The following APBB1IP variants were observed in gnomAD, a reference collection of about 807,000 sequenced individuals.
APBB1IP encodes amyloid beta A4 precursor protein-binding family B member 1-interacting protein.
APBB1IP carries 27 observed loss-of-function variants against 64.9 expected under a neutral mutation model. That is an observed-to-expected ratio of 0.42 (90% confidence interval 0.31 to 0.57). The LOEUF is 0.57. Ranked by LOEUF, APBB1IP falls within the 20% of genes least tolerant of loss-of-function variation. The probability of loss-of-function intolerance (pLI) is 0.20; values close to 1 mark genes in which losing one functional copy is unlikely to be tolerated. For synonymous variants in APBB1IP, 392 were observed against 331.0 expected (o/e 1.18, Z -2.00); for missense variants, 812 against 845.5 (o/e 0.96, Z 0.49).
chr10:26,486,125 G>T (rs559401049), intron 2 of APBB1IP, among the ~76,000 whole-genome samples: 1 of 152,016 alleles, frequency 6.6e-6, no homozygotes, highest in Admixed American at 6.6e-5. Flanking sequence ...AAAAGGCCCC[G>T]AATGGGACAA....
intron 2 of APBB1IP, among the ~76,000 whole-genome samples, chr10:26,450,942 C>T (rs10829003): frequency 0.4 from 60,700 of 151,884 alleles, 12,267 homozygotes; most frequent in South Asian, 0.5. Context: ...GAGATCCACC[C>T]GCCTCGTCCT....
chr10:26,481,705 T>C (rs1835835718), intron 2 of APBB1IP, among the ~76,000 whole-genome samples: 1 of 151,866 alleles, frequency 6.6e-6, no homozygotes, highest in Non-Finnish European at 1.5e-5. Context: ...CCAGGCTGGT[T>C]TTGAACTCCT....
intron 2 of APBB1IP, among the ~76,000 whole-genome samples, chr10:26,483,565 G>A (rs974755865): frequency 2.6e-5 from 4 of 152,172 alleles, no homozygotes; most frequent in African/African-American, 9.7e-5. Context: ...AAGCAATTGA[G>A]TGAGGAGTTT....
At chr10:26,536,593 C>CTTTTTTTTTTTT (rs58921295) in intron 10 of APBB1IP, among the ~76,000 whole-genome samples, 1 of 143,412 alleles carries the variant, frequency 7.0e-6, no homozygotes. Context: ...GATTTTCTTT[C>CTTTTTTTTTTTT]TTTTTTTTTT....
intron 2 of APBB1IP, among the ~76,000 whole-genome samples, chr10:26,439,214 A>G (rs1175856276): frequency 6.6e-6 from 1 of 152,128 alleles, no homozygotes; most frequent in Admixed American, 6.5e-5. Flanking sequence ...GCAGGTCAGC[A>G]GGTCAGCAGG....
intron 12 of APBB1IP, 38 bp from the exon 13 acceptor site, chr10:26,560,692 T>G: frequency 6.8e-7 from 1 of 1,473,084 alleles, no homozygotes; most frequent in Non-Finnish European, 9.2e-7. Context: ...TTGGGATACA[T>G]GGATTCCTTT....
At chr10:26,564,054 C>T (rs953407646) in intron 14 of APBB1IP, among the ~76,000 whole-genome samples, 1 of 149,504 alleles carries the variant, frequency 6.7e-6, no homozygotes, top group African/African-American at 2.4e-5. Flanking sequence ...AAAAATACAT[C>T]ACCAGTTAAA....
rs1459379884 is a variant in APBB1IP, at chr10:26,534,375, A to G, written c.900+850A>G. 2.0e-5 allele frequency among the ~76,000 whole-genome samples: 3 copies of G among 151,768 alleles called. No homozygotes were observed. The East Asian group carries it at 5.8e-4, about 29-fold the overall frequency. The stretch of plus-strand genomic sequence containing the variant: ...TGAAATGAGTGCCAGATCTCAAATC[A>G]CAAATGGTCATGCTAGAACTGCCCA... On this transcript the variant is annotated intron_variant, in intron 9 of 14. Coordinates refer to ENST00000376236, the MANE Select transcript of APBB1IP (RefSeq NM_019043.4).
chr10:26,511,571 C>T (rs1239900766), intron 6 of APBB1IP, among the ~76,000 whole-genome samples, 176 bp from the exon 7 acceptor site: 1 of 152,190 alleles, frequency 6.6e-6, no homozygotes, highest in Non-Finnish European at 1.5e-5. Flanking sequence ...TTCTCCACCT[C>T]TGTAATCCTA....
chr10:26,513,508 T>C (rs565097416), intron 7 of APBB1IP, 31 bp from the exon 8 acceptor site: 1 of 1,609,898 alleles, frequency 6.2e-7, no homozygotes, highest in African/African-American at 1.3e-5. Context: ...ATGTCTTGGG[T>C]CTGAAAGAAT....
chr10:26,503,239 G>C lies in APBB1IP; in HGVS notation c.496G>C (p.Ala166Pro). Reference sequence around the variant, plus strand: ...AGCCAAGGCTGATAAAATTAAGCTGGCGCTGGAAAAACTGAAGGAGGCCAA... The same window carrying C: ...AGCCAAGGCTGATAAAATTAAGCTGCCGCTGGAAAAACTGAAGGAGGCCAA... ...AQAKADKIKLALEKLKEAKVK... is the reference protein window; with the variant it reads ...AQAKADKIKLPLEKLKEAKVK... The change falls in exon 6 of 15, where the codon GCG becomes CCG. Residue 166 changes from alanine (A) to proline (P), a missense_variant. Around this residue, in one of 3 missense-constraint regions of APBB1IP, gnomAD observed 394 missense variants for 413.1 expected, o/e 0.95. Coordinates refer to ENST00000376236, the MANE Select transcript of APBB1IP (RefSeq NM_019043.4). The C allele has an allele frequency of 3.7e-6, 6 of 1,614,110 alleles. No homozygotes were observed. Among genetic ancestry groups the C allele is most frequent in the Non-Finnish European group, 5.1e-6 (6 of 1,180,008 alleles).
At chr10:26,541,429 A>G (rs1836695551) in intron 10 of APBB1IP, among the ~76,000 whole-genome samples, 153 bp from the exon 11 acceptor site, 1 of 152,206 alleles carries the variant, frequency 6.6e-6, no homozygotes, top group Non-Finnish European at 1.5e-5. Flanking sequence ...TGCCTTTGAG[A>G]AAACCTATAC....
chr10:26,455,507 G>A (rs1189417635), intron 2 of APBB1IP, among the ~76,000 whole-genome samples: 3 of 130,598 alleles, frequency 2.3e-5, no homozygotes, highest in African/African-American at 8.8e-5. Flanking sequence ...CAGCCTGGGT[G>A]ACAGAACAAA....
chr10:26,464,510 C>G (rs2132409039), intron 2 of APBB1IP, among the ~76,000 whole-genome samples: 1 of 152,268 alleles, frequency 6.6e-6, no homozygotes, highest in Admixed American at 6.5e-5. Context: ...AAGTGATCCT[C>G]CCACCTCAAC....
intron 11 of APBB1IP, among the ~76,000 whole-genome samples, chr10:26,551,336 G>T (rs999924677): frequency 6.6e-5 from 10 of 152,182 alleles, no homozygotes; most frequent in Non-Finnish European, 1.3e-4. Context: ...AGTCCGGGGG[G>T]ACTTTCCATG....
intron 2 of APBB1IP, among the ~76,000 whole-genome samples, chr10:26,481,826 C>CTTGTGT (rs1491211698): frequency 2.8e-5 from 4 of 143,248 alleles, no homozygotes; most frequent in African/African-American, 1.0e-4. Flanking sequence ...CATCTCATTA[C>CTTGTGT]GTGTGTGTGT....
chr10:26,550,527 T>C (rs995476609), intron 11 of APBB1IP, among the ~76,000 whole-genome samples: 1 of 152,188 alleles, frequency 6.6e-6, no homozygotes, highest in African/African-American at 2.4e-5. Context: ...GCTTGATCAA[T>C]TCTGCAGTTG....
intron 14 of APBB1IP, among the ~76,000 whole-genome samples, chr10:26,564,458 T>C (rs1380536737): frequency 1.3e-5 from 2 of 152,198 alleles, no homozygotes; most frequent in African/African-American, 4.8e-5. Flanking sequence ...TAATGAGGAC[T>C]ATGGGGCTAA....
At chr10:26,458,319 C>T (rs899986986) in intron 2 of APBB1IP, among the ~76,000 whole-genome samples, 1 of 151,676 alleles carries the variant, frequency 6.6e-6, no homozygotes, top group African/African-American at 2.4e-5. Flanking sequence ...ACCTAGGAGG[C>T]GGAGGTTGCA....
Sources: allele counts gnomAD v4.1 joint callset (sites outside exome capture counted in the v4.1 genomes callset), GRCh38; gene constraint gnomAD v4.1.1; regional missense constraint gnomAD v4.1.1; transcripts MANE v1.5; gene names NCBI Gene and HGNC (gene_info 2026-07-23, HGNC 2026-07-21).